Variants in PTPRG observed in about 807,000 individuals in gnomAD.
The protein encoded by PTPRG is protein tyrosine phosphatase receptor type G, also known as receptor-type tyrosine-protein phosphatase gamma.
PTPRG carries 102 observed loss-of-function variants against 165.3 expected under a neutral mutation model. That is an observed-to-expected ratio of 0.62 (90% confidence interval 0.53 to 0.73). The LOEUF is 0.73. Ranked by LOEUF, PTPRG falls within the 30% of genes least tolerant of loss-of-function variation. The pLI is 0.00. For synonymous variants in PTPRG, 675 were observed against 669.5 expected, an observed-to-expected ratio of 1.01 and a Z score of -0.13; for missense variants, 1,866 against 1,861.4, an observed-to-expected ratio of 1.00 and a Z score of -0.05.
intron 11 of PTPRG, among the ~76,000 whole-genome samples, chr3:62,201,901 A>G (rs1700103556): frequency 6.6e-6 from 1 of 152,098 alleles, no homozygotes; most frequent in South Asian, 2.1e-4. Flanking sequence ...ATTTGCGTAA[A>G]GTTATATGGA....
intron 2 of PTPRG, among the ~76,000 whole-genome samples, chr3:61,807,025 T>C (rs2035439090): frequency 1.3e-5 from 2 of 152,220 alleles, no homozygotes; most frequent in South Asian, 4.1e-4. Context: ...TTCTTCATTT[T>C]CTGCACCCAA....
At chr3:61,694,159 G>A (rs1443601424) in intron 1 of PTPRG, among the ~76,000 whole-genome samples, 1 of 152,094 alleles carries the variant, frequency 6.6e-6, no homozygotes, top group Non-Finnish European at 1.5e-5. Flanking sequence ...TTGAATACAG[G>A]GAAGAATGCA....
chr3:61,845,454 A>C (rs929761650), intron 2 of PTPRG, among the ~76,000 whole-genome samples: 1 of 152,210 alleles, frequency 6.6e-6, no homozygotes, highest in Non-Finnish European at 1.5e-5. Flanking sequence ...GAAGATGTCT[A>C]TTGATCCTAT....
rs149590527 is a variant in PTPRG, at chr3:61,950,652, C to T, written c.191-38973C>T. ...AGATTACATTTACTTTCTTGCACCT[C>T]TGGTAACTGGATAAAAAAACTCTTT... On this transcript the variant is annotated intron_variant, in intron 2 of 29. Coordinates refer to ENST00000474889, the MANE Select transcript of PTPRG (RefSeq NM_002841.4). Among the ~76,000 whole-genome samples, 4 of 152,176 alleles carry T rather than the reference C, an allele frequency of 2.6e-5. No homozygotes were observed. In the East Asian group the frequency reaches 7.7e-4, roughly 29 times the overall value.
chr3:62,074,354 T>TTTCTTTCTTTC (rs1559781798), intron 4 of PTPRG, among the ~76,000 whole-genome samples: 22 of 35,062 alleles, frequency 6.3e-4, no homozygotes, highest in African/African-American at 1.6e-3. Context: ...TTTTCTTTCT[T>TTTCTTTCTTTC]TTTTTTTTTT....
At chr3:62,135,929 T>G (rs1454228276) in intron 6 of PTPRG, among the ~76,000 whole-genome samples, 1 of 152,156 alleles carries the variant, frequency 6.6e-6, no homozygotes, top group Non-Finnish European at 1.5e-5. Flanking sequence ...CCCCACCATG[T>G]GTTGTCATTG....
chr3:62,275,785 TA>T, intron 23 of PTPRG, 87 bp from the exon 24 acceptor site: 1 of 925,550 alleles, frequency 1.1e-6, no homozygotes, highest in Non-Finnish European at 1.6e-6. Flanking sequence ...TGTTTATCAG[TA>T]ATCTGATTGG....
At chr3:62,018,871 TGACA>T (rs2107755189) in intron 4 of PTPRG, among the ~76,000 whole-genome samples, 1 of 152,312 alleles carries the variant, frequency 6.6e-6, no homozygotes, top group East Asian at 1.9e-4. Flanking sequence ...GCTGGATTTA[TGACA>T]GACAGTAAGT....
chr3:61,575,948 T>C (rs1167354365), intron 1 of PTPRG, among the ~76,000 whole-genome samples: 1 of 152,146 alleles, frequency 6.6e-6, no homozygotes, highest in Non-Finnish European at 1.5e-5. Flanking sequence ...GGTACCTGTT[T>C]TTAATAGCCA....
At chr3:61,802,059 A>G (rs1391689825) in intron 2 of PTPRG, among the ~76,000 whole-genome samples, 1 of 151,282 alleles carries the variant, frequency 6.6e-6, no homozygotes, top group Non-Finnish European at 1.5e-5. Context: ...GTTTCAGGTC[A>G]TGTCAGTTGC....
rs1559756828 is a variant in PTPRG, at chr3:62,281,602, T to G, written c.3805T>G (p.Ser1269Ala). The G allele has an allele frequency of 2.6e-6, 4 of 1,563,546 alleles. No homozygotes were observed. Among genetic ancestry groups the G allele is most frequent in the East Asian group, 2.4e-5 (1 of 41,882 alleles). Residue 1269 changes from serine (S) to alanine (A), a missense_variant, in exon 27 of 30, where the codon TCC (serine) becomes GCC (alanine). Ser to Ala is a moderately conservative substitution (Grantham distance 99). This residue lies in a region of PTPRG where 1,452 missense variants were observed against 1,463.0 expected (regional missense o/e 0.99). Coordinates refer to ENST00000474889, the MANE Select transcript of PTPRG (RefSeq NM_002841.4). ...TGTGTACTGGCCAAGTCGAGAAGAATCCATGAACTGTGAGGCCTTTACCGT... is the reference window on the plus strand; with the variant it reads ...TGTGTACTGGCCAAGTCGAGAAGAAGCCATGAACTGTGAGGCCTTTACCGT... The part of the protein sequence containing the change: ...EFVYWPSREE[S>A]MNCEAFTVTL...
intron 1 of PTPRG, among the ~76,000 whole-genome samples, chr3:61,674,132 T>C (rs1703132160): frequency 6.6e-6 from 1 of 151,662 alleles, no homozygotes; most frequent in South Asian, 2.1e-4. Flanking sequence ...TATACCTATG[T>C]AACAAACCTG....
intron 3 of PTPRG, among the ~76,000 whole-genome samples, chr3:62,000,794 C>A (rs919920385): frequency 5.3e-5 from 8 of 152,164 alleles, no homozygotes; most frequent in African/African-American, 1.9e-4. Context: ...TGTCCAGGAG[C>A]TCCACCCTTG....
At chr3:61,864,162 A>G (rs770244819) in intron 2 of PTPRG, among the ~76,000 whole-genome samples, 3 of 152,132 alleles carry the variant, frequency 2.0e-5, no homozygotes, top group Admixed American at 1.3e-4. Context: ...ATCCCTTCAA[A>G]ATCCTCTCTT....
rs149249244 is a variant in PTPRG at position 62,160,431 on chromosome 3, A to G, written c.840+3207A>G. Among the ~76,000 whole-genome samples, 835 of 152,362 alleles carry G rather than the reference A, an allele frequency of 5.5e-3. 7 individuals are homozygous for G. The highest frequency in any genetic ancestry group is 0.019 in the African/African-American group (810 of 41,584). ...GTTTGGGATTCCCCACTTAGTCAGC[A>G]TGGCTTATGTGGCCCCTCTAAACAT... On this transcript the variant is annotated intron_variant, in intron 7 of 29. Transcript: ENST00000474889.
intron 2 of PTPRG, chr3:61,753,714 C>G (rs2106936146): frequency 7.4e-6 from 3 of 405,330 alleles, no homozygotes; most frequent in South Asian, 1.8e-5. Context: ...ACGCTTCAGC[C>G]TCTCAAGTAG....
Position 62,264,039 on chromosome 3 carries a change from G to A in PTPRG, c.2656+1145G>A, listed in dbSNP as rs71296762. On this transcript the variant is annotated intron_variant, in intron 17 of 29. Transcript: ENST00000474889. ...CAGGCGCCTGTAGTCCCAGCTACTC[G>A]GGAGGCTAAGGCAGGAGAATGGCAT... 1,240 of 152,606 alleles carry A rather than the reference G, an allele frequency of 8.1e-3. 15 individuals are homozygous for A. The highest frequency in any genetic ancestry group is 9.9e-3 in the Non-Finnish European group (674 of 68,412). The allele number at this position is 152,606 out of a possible 1,614,324, so 9.5% of individuals were successfully genotyped here.
intron 2 of PTPRG, among the ~76,000 whole-genome samples, chr3:61,885,243 C>G (rs1244554195): frequency 6.6e-6 from 1 of 152,062 alleles, no homozygotes; most frequent in African/African-American, 2.4e-5. Context: ...AAAATGTATT[C>G]TGAATTTTGA....
intron 1 of PTPRG, among the ~76,000 whole-genome samples, chr3:61,619,419 C>T (rs920443401): frequency 2.0e-5 from 3 of 152,130 alleles, no homozygotes; most frequent in Non-Finnish European, 4.4e-5. Flanking sequence ...GAAGCATTTT[C>T]GACTGTCAGG....
Sources: gnomAD v4.1 joint callset for allele counts (sites outside exome capture counted in the v4.1 genomes callset) on GRCh38, gnomAD v4.1.1 for gene constraint, gnomAD v4.1.1 regional missense constraint, MANE v1.5 for transcripts, NCBI Gene and HGNC (gene_info 2026-07-23, HGNC 2026-07-21) for gene names.